The following CTNNA3 variants were observed in gnomAD, a reference collection of about 807,000 sequenced individuals.
The protein encoded by CTNNA3 is catenin alpha-3.
CTNNA3 carries 76 observed loss-of-function variants against 95.7 expected under a neutral mutation model. The ratio of observed to expected loss-of-function variants is 0.79; its 90% CI spans 0.66 to 0.96. The LOEUF is 0.96. Ranked by LOEUF, CTNNA3 falls within the 40% of genes least tolerant of loss-of-function variation. The probability of loss-of-function intolerance (pLI) is 0.00; values close to 1 mark genes in which losing one functional copy is unlikely to be tolerated. For missense variants in CTNNA3, 1,191 were observed against 1,089.8 expected, an observed-to-expected ratio of 1.09 and a Z score of -1.31; for synonymous variants, 431 against 374.4, an observed-to-expected ratio of 1.15 and a Z score of -1.74.
At chr10:67,154,040 A>C (rs1002729033) in intron 7 of CTNNA3, among the ~76,000 whole-genome samples, 1 of 152,076 alleles carries the variant, frequency 6.6e-6, no homozygotes, top group Non-Finnish European at 1.5e-5. Flanking sequence ...ATTAAACAGA[A>C]TTCTCAATTA....
At position 66,173,705 on chromosome 10, in the gene CTNNA3, T is replaced by A. The variant is rs142876999; in HGVS notation, c.1885-70456A>T. Among the ~76,000 whole-genome samples, 4 of 152,142 alleles carry A rather than the reference T, an allele frequency of 2.6e-5. No individual in the cohort carries two copies. The East Asian group carries it at 7.7e-4, about 29-fold the overall frequency. On this transcript the variant is annotated intron_variant, in intron 13 of 17. Transcript: ENST00000433211. ...CTCAAAAAAAATCAAAAAAGACTGT[T>A]GCAGTACATTGAGAGAGCAAATGTG...
intron 7 of CTNNA3, among the ~76,000 whole-genome samples, chr10:66,815,413 G>A (rs1280886951): frequency 6.6e-6 from 1 of 152,142 alleles, no homozygotes; most frequent in Admixed American, 6.6e-5. Context: ...AAAGGGGAAG[G>A]ATGGGGCTAA....
At chr10:67,455,614 TC>T (rs1302232978) in intron 5 of CTNNA3, among the ~76,000 whole-genome samples, 1 of 152,140 alleles carries the variant, frequency 6.6e-6, no homozygotes, top group Non-Finnish European at 1.5e-5. Context: ...TTATATAATG[TC>T]AGAGAATGTC....
At position 66,766,373 on chromosome 10, in the gene CTNNA3, T is replaced by A. The variant is rs772157953; in HGVS notation, c.1172A>T (p.Asp391Val). The A allele has an allele frequency of 2.5e-6, 4 of 1,613,582 alleles. No individual in the cohort carries two copies. The African/African-American group carries it at 5.3e-5, about 22-fold the overall frequency. ...GAGAACCAAAAGAGGGACTGTCGTATCCAGGAAAGAGTCTGACACATGATC... is the reference window on the plus strand; with the variant it reads ...GAGAACCAAAAGAGGGACTGTCGTAACCAGGAAAGAGTCTGACACATGATC... ...IIDHVSDSFLDTTVPLLVLIE... is the reference protein window; with the variant it reads ...IIDHVSDSFLVTTVPLLVLIE... The change falls in exon 9 of 18, where the codon GAT (aspartate) becomes GTT (valine). Residue 391 changes from aspartate to valine, a missense_variant. By Grantham distance (152) the Asp-to-Val change is radical. Transcript: ENST00000433211.
chr10:67,469,426 T>G (rs1002704267), intron 5 of CTNNA3, among the ~76,000 whole-genome samples: 2 of 151,752 alleles, frequency 1.3e-5, no homozygotes, highest in Non-Finnish European at 2.9e-5. Context: ...GAAAAGTGGG[T>G]TTTTTTAAGG....
intron 7 of CTNNA3, among the ~76,000 whole-genome samples, chr10:66,891,246 G>A (rs570590592): frequency 6.6e-6 from 1 of 152,020 alleles, no homozygotes; most frequent in Non-Finnish European, 1.5e-5. Context: ...ACATATTAAG[G>A]TGAATCATAC....
At chr10:67,411,730 G>A (rs1420837136) in intron 5 of CTNNA3, among the ~76,000 whole-genome samples, 1 of 152,028 alleles carries the variant, frequency 6.6e-6, no homozygotes, top group Non-Finnish European at 1.5e-5. Flanking sequence ...TTTTGTGGGA[G>A]TGTCAGATTT....
chr10:65,968,048 A>G (rs1234530448), intron 16 of CTNNA3, among the ~76,000 whole-genome samples: 1 of 152,220 alleles, frequency 6.6e-6, no homozygotes, highest in Non-Finnish European at 1.5e-5. Flanking sequence ...TAAAAAAATC[A>G]ATATGTAAAT....
chr10:66,724,950 C>T (rs1848735793), intron 9 of CTNNA3, among the ~76,000 whole-genome samples: 2 of 151,950 alleles, frequency 1.3e-5, no homozygotes, highest in Non-Finnish European at 2.9e-5. Context: ...TTCCAGGACC[C>T]CCATGGACAC....
At chr10:66,204,766 A>C (rs1179747090) in intron 13 of CTNNA3, among the ~76,000 whole-genome samples, 1 of 152,186 alleles carries the variant, frequency 6.6e-6, no homozygotes, top group Non-Finnish European at 1.5e-5. Context: ...TAGTCTGAGT[A>C]CAGGAACTAC....
At chr10:66,485,610 A>C (rs941013578) in intron 11 of CTNNA3, among the ~76,000 whole-genome samples, 3 of 152,158 alleles carry the variant, frequency 2.0e-5, no homozygotes, top group African/African-American at 7.2e-5. Flanking sequence ...AATAAATGGA[A>C]ATATGTACCA....
chr10:67,410,627 C>A (rs538753603), intron 5 of CTNNA3, among the ~76,000 whole-genome samples: 4 of 147,374 alleles, frequency 2.7e-5, no homozygotes, highest in South Asian at 2.1e-4. Context: ...TGCTTCCCCC[C>A]ACCCAAAAAA....
intron 1 of CTNNA3, chr10:67,751,153 G>T: frequency 7.7e-7 from 1 of 1,302,916 alleles, no homozygotes; most frequent in Non-Finnish European, 1.1e-6. Context: ...ACCACACTCA[G>T]CTTCAACAGA....
intron 5 of CTNNA3, among the ~76,000 whole-genome samples, chr10:67,299,279 T>C (rs1187291599): frequency 1.3e-5 from 2 of 152,066 alleles, no homozygotes; most frequent in South Asian, 2.1e-4. Flanking sequence ...CTTATCATAA[T>C]AGCCTTCATT....
At chr10:67,238,801 T>C (rs1466188451) in intron 5 of CTNNA3, among the ~76,000 whole-genome samples, 1 of 152,202 alleles carries the variant, frequency 6.6e-6, no homozygotes, top group African/African-American at 2.4e-5. Flanking sequence ...TGTTCATACT[T>C]CTGTCTTCAC....
intron 6 of CTNNA3, among the ~76,000 whole-genome samples, chr10:67,182,455 T>C (rs1167650215): frequency 6.6e-6 from 1 of 152,110 alleles, no homozygotes; most frequent in Non-Finnish European, 1.5e-5. Context: ...CCCTATTTAA[T>C]AAATGGTGCT....
intron 6 of CTNNA3, among the ~76,000 whole-genome samples, chr10:67,201,466 A>C (rs1412045492): frequency 6.7e-6 from 1 of 148,484 alleles, no homozygotes; most frequent in Non-Finnish European, 1.5e-5. Flanking sequence ...TTTTTTTATT[A>C]TTTTTTTATT....
chr10:67,276,777 A>C (rs1305473204), intron 5 of CTNNA3, among the ~76,000 whole-genome samples: 1 of 152,112 alleles, frequency 6.6e-6, no homozygotes, highest in East Asian at 1.9e-4. Flanking sequence ...GTTGGGTGTT[A>C]GGGACACAAA....
chr10:66,580,236 T>A (rs1843140322), intron 10 of CTNNA3, among the ~76,000 whole-genome samples: 1 of 151,666 alleles, frequency 6.6e-6, no homozygotes, highest in East Asian at 1.9e-4. Flanking sequence ...AACATTCTAT[T>A]TTTTTATTCT....
Sources: gnomAD v4.1 joint callset for allele counts (sites outside exome capture counted in the v4.1 genomes callset) on GRCh38, gnomAD v4.1.1 for gene constraint, MANE v1.5 for transcripts, NCBI Gene and HGNC (gene_info 2026-07-23, HGNC 2026-07-21) for gene names.